Variants in HUWE1 observed in about 807,000 individuals in gnomAD.
The protein encoded by HUWE1 is E3 ubiquitin-protein ligase HUWE1.
HUWE1 carries 18 observed loss-of-function variants against 299.4 expected under a neutral mutation model. That is an observed-to-expected ratio of 0.06 (90% CI 0.04 to 0.09). The LOEUF is 0.09. Ranked by LOEUF, HUWE1 falls within the 10% of genes least tolerant of loss-of-function variation. The pLI is 1.00. For missense variants in HUWE1, 1,832 were observed against 3,462.3 expected (o/e 0.53, Z 11.82); for synonymous variants, 1,317 against 1,286.1 (o/e 1.02, Z -0.51).
intron 56 of HUWE1, 81 bp downstream of exon 56, chrX:53,560,097 GGACTATTTCC>G (rs1402576309): frequency 4.1e-5 from 30 of 731,678 alleles, no homozygotes; most frequent in Non-Finnish European, 5.6e-5. Context: ...ATTAAGTGAT[GGACTATTTCC>G]CCCAAGGTTA....
Position 53,563,887 on chromosome X carries a change from T to TA in HUWE1, c.7030-67dup, listed in dbSNP as rs1556943420. On this transcript the variant is annotated intron_variant, in intron 51 of 83. Coordinates refer to ENST00000262854, the MANE Select transcript of HUWE1 (RefSeq NM_031407.7). Reference sequence around the variant, plus strand: ...TATCATTGTGCTAGCACCGAAACCCTAAAAAAGGCCAGCAAAGCAGCATAC... The same window carrying TA: ...TATCATTGTGCTAGCACCGAAACCCTAAAAAAAGGCCAGCAAAGCAGCATAC... 4.6e-6 allele frequency: 5 copies of TA among 1,095,916 alleles called. No homozygotes were observed. The African/African-American group carries it at 7.3e-5, about 16-fold the overall frequency. The allele number at this position is 1,095,916 out of a possible 1,213,427, so 90.3% of individuals were successfully genotyped here.
chrX:53,662,051 T>C (rs1378247285), intron 3 of HUWE1, among the ~76,000 whole-genome samples: 5 of 112,088 alleles, frequency 4.5e-5, no homozygotes, highest in Non-Finnish European at 9.4e-5. Context: ...CAAGAGCAGT[T>C]GGATGTAGTG....
At position 53,630,417 on chromosome X, in the gene HUWE1, C is replaced by T. The variant is rs966469117; in HGVS notation, c.862+518G>A. 7.2e-5 allele frequency among the ~76,000 whole-genome samples: 8 copies of T among 111,463 alleles called. 1 individual carries two copies. Among genetic ancestry groups the T allele is most frequent in the South Asian group, 3.8e-4 (1 of 2,658 alleles). On this transcript the variant is annotated intron_variant, in intron 12 of 83. Transcript: ENST00000262854. ...CTACGGTGAGTACCTCAATATTAAACGAATAAGCTGAGGCTGAGAGGATAA... is the reference window on the plus strand; with the variant it reads ...CTACGGTGAGTACCTCAATATTAAATGAATAAGCTGAGGCTGAGAGGATAA...
At position 53,552,395 on chromosome X, in the gene HUWE1, C is replaced by T. The variant is rs1459554302; in HGVS notation, c.8797G>A (p.Val2933Met). 7 of 1,209,247 alleles carry T rather than the reference C, an allele frequency of 5.8e-6. No individual in the cohort carries two copies. The highest frequency in any genetic ancestry group is 2.3e-4 in the Middle Eastern group (1 of 4,368). ...CGGGAATCTGCTCCAGAAATGGCCA[C>T]GGCAGAATCTCTGGTGGAAGAGCTC... Reference protein sequence around the residue: ...SESSSTRDSAVAISGADSRGI... With the variant: ...SESSSTRDSAMAISGADSRGI... Residue 2933 changes from valine to methionine, a missense_variant, in exon 63 of 84, where the codon GTG becomes ATG. Transcript: ENST00000262854.
rs1159722105 is a variant in HUWE1, at chrX:53,546,541, C to T, written c.10810G>A (p.Val3604Ile). ...SEEGLEDAANVLLQLSRGDSG... is the reference protein window; with the variant it reads ...SEEGLEDAANILLQLSRGDSG... Reference sequence around the variant, plus strand: ...TCCCCCCGGGAGAGCTGCAGTAGTACGTTGGCTGCATCCTCTAAGCCTTCC... The same window carrying T: ...TCCCCCCGGGAGAGCTGCAGTAGTATGTTGGCTGCATCCTCTAAGCCTTCC... Residue 3604 changes from valine to isoleucine, a missense_variant, in exon 70 of 84, where the codon GTA becomes ATA. Val to Ile is a conservative substitution (Grantham distance 29). This residue lies in a region of HUWE1 where 48 missense variants were observed against 87.0 expected (regional missense o/e 0.55). Transcript: ENST00000262854. The T allele has an allele frequency of 5.8e-6, 7 of 1,207,247 alleles. No individual in the cohort carries two copies. The highest frequency in any genetic ancestry group is 1.8e-5 in the South Asian group (1 of 56,311).
At chrX:53,608,743 G>A in intron 24 of HUWE1, 109 bp downstream of exon 24, 1 of 581,405 alleles carries the variant, frequency 1.7e-6, no homozygotes, top group Non-Finnish European at 3.1e-6. Flanking sequence ...CCTCTTAATT[G>A]GATTCCAATT....
intron 39 of HUWE1, 41 bp downstream of exon 39, chrX:53,586,449 A>C (rs782448304): frequency 1.5e-5 from 14 of 943,624 alleles, no homozygotes; most frequent in African/African-American, 9.6e-5. Flanking sequence ...TTGCCTCAGG[A>C]AGCTAAACCG....
intron 19 of HUWE1, among the ~76,000 whole-genome samples, chrX:53,619,414 G>A (rs954975631): frequency 2.7e-5 from 3 of 109,944 alleles, no homozygotes; most frequent in East Asian, 2.8e-4. Flanking sequence ...TCAAGAAGTC[G>A]CAACGACACT....
At chrX:53,613,990 T>G (rs2065643816) in intron 23 of HUWE1, among the ~76,000 whole-genome samples, 1 of 112,339 alleles carries the variant, frequency 8.9e-6, no homozygotes, top group African/African-American at 3.2e-5. Context: ...CCTGGCCGGA[T>G]GCGGTAGCTC....
chrX:53,590,853 T>C (rs782090118), intron 34 of HUWE1, 147 bp downstream of exon 34: 3 of 711,827 alleles, frequency 4.2e-6, no homozygotes, highest in South Asian at 2.4e-5. Context: ...ACTTCTGTTA[T>C]TATGAAAAGA....
At chrX:53,664,824 A>G (rs1468763207) in intron 3 of HUWE1, among the ~76,000 whole-genome samples, 1 of 111,596 alleles carries the variant, frequency 9.0e-6, no homozygotes, top group African/African-American at 3.3e-5. Context: ...TTGATTATAG[A>G]GGAATAGGTG....
At chrX:53,543,715 G>A in intron 73 of HUWE1, 126 bp downstream of exon 73, 1 of 991,071 alleles carries the variant, frequency 1.0e-6, no homozygotes. Flanking sequence ...CTTTTGTCCA[G>A]AAGCATTCAT....
rs781873228 is a variant in HUWE1, at chrX:53,549,047, G to C, written c.9947C>G (p.Ala3316Gly). 2.1e-5 allele frequency: 25 copies of C among 1,208,589 alleles called. No homozygotes were observed. Among genetic ancestry groups the C allele is most frequent in the Non-Finnish European group, 2.5e-5 (22 of 894,189 alleles). ...SGGRKHTEKH[A>G]SGGSTVHIHP... ...GATGTGGACGGTGGAGCCACCGCTT[G>C]CATGCTTCTCGGTATGTTTACGCCC... The change falls in exon 67 of 84, where the codon GCA (alanine) becomes GGA (glycine). Residue 3316 changes from alanine (A) to glycine (G), a missense_variant. Coordinates refer to ENST00000262854, the MANE Select transcript of HUWE1 (RefSeq NM_031407.7).
chrX:53,663,284 G>C (rs782495288), intron 3 of HUWE1, among the ~76,000 whole-genome samples: 1 of 112,328 alleles, frequency 8.9e-6, no homozygotes, highest in South Asian at 3.7e-4. Flanking sequence ...AGGCCGAGGC[G>C]GGTGGATCAC....
intron 49 of HUWE1, among the ~76,000 whole-genome samples, chrX:53,566,117 A>ATGTATGTG (rs1556945627): frequency 1.8e-5 from 1 of 54,324 alleles, no homozygotes; most frequent in African/African-American, 8.0e-5. Context: ...GTATGTATGT[A>ATGTATGTG]TGTGTGTGTG....
At chrX:53,540,339 T>C (rs1386441780) in intron 74 of HUWE1, among the ~76,000 whole-genome samples, 22 of 110,522 alleles carry the variant, frequency 2.0e-4, no homozygotes, top group Non-Finnish European at 3.4e-4. Context: ...GCCTTTTTTT[T>C]TTTTTCCCTG....
Position 53,625,251 on chromosome X carries a change from C to T in HUWE1, c.1497G>A (p.Gln499=). 2.6e-6 allele frequency: 3 copies of T among 1,167,054 alleles called. No homozygotes were observed. The highest frequency in any genetic ancestry group is 2.4e-4 in the Middle Eastern group (1 of 4,225). The change falls in exon 18 of 84, where the codon CAG becomes CAA. Residue 499 remains glutamine, a synonymous_variant. Coordinates refer to ENST00000262854, the MANE Select transcript of HUWE1 (RefSeq NM_031407.7). Reference sequence around the variant, plus strand: ...GAAGTGCTGCTCGTTGTGGAATACACTGGACTCCTGGCAATGAAGAAAGAC... The same window carrying T: ...GAAGTGCTGCTCGTTGTGGAATACATTGGACTCCTGGCAATGAAGAAAGAC... The part of the protein sequence containing the change: ...EEMETDMDGV[Q]CIPQRAALLK...
Position 53,562,218 on chromosome X carries a change from C to A in HUWE1, c.7231G>T (p.Asp2411Tyr). 8.3e-7 allele frequency: 1 copy of A among 1,207,159 alleles called. No individual in the cohort carries two copies. The highest frequency in any genetic ancestry group is 1.1e-6 in the Non-Finnish European group (1 of 891,442). Residue 2411 changes from aspartate (D) to tyrosine (Y), a missense_variant, in exon 54 of 84, where the codon GAT (aspartate) becomes TAT (tyrosine). Asp to Tyr is a radical substitution (Grantham distance 160). Around this residue, in one of 15 missense-constraint regions of HUWE1, gnomAD observed 170 missense variants for 335.8 expected, o/e 0.51. Transcript: ENST00000262854. ...EDSMNILDPE[D>Y]EEEHTQEEDS... ...TCTTCCTGAGTGTGCTCCTCCTCAT[C>A]CTCAGGGTCCAGGATATTCATGGAA...
intron 3 of HUWE1, among the ~76,000 whole-genome samples, chrX:53,675,037 A>G (rs145587789): frequency 0.013 from 1,471 of 111,917 alleles, 22 homozygotes; most frequent in African/African-American, 0.046. Context: ...ACTGTTTTAT[A>G]GATAAGAATG....
Sources: allele counts gnomAD v4.1 joint callset (sites outside exome capture counted in the v4.1 genomes callset), GRCh38; gene constraint gnomAD v4.1.1; regional missense constraint gnomAD v4.1.1; transcripts MANE v1.5; gene names NCBI Gene and HGNC (gene_info 2026-07-23, HGNC 2026-07-21).